Variants in TTC23L observed in about 807,000 individuals in gnomAD.
TTC23L encodes tetratricopeptide repeat protein 23-like.
Under a neutral mutation model 48.1 loss-of-function variants are expected in TTC23L, and 42 were observed. That is an observed-to-expected ratio of 0.87 (90% confidence interval 0.68 to 1.13). The LOEUF (loss-of-function observed/expected upper bound fraction) is 1.13, where lower values mean the gene tolerates loss of function less well. Ranked by LOEUF, TTC23L falls within the 50% of genes most tolerant of loss-of-function variation. The pLI is 0.00. For missense variants in TTC23L, 391 were observed against 421.0 expected, an observed-to-expected ratio of 0.93 and a Z score of 0.62; for synonymous variants, 159 against 157.2, an observed-to-expected ratio of 1.01 and a Z score of -0.09.
At chr5:34,856,713 A>G (rs56015042) in intron 4 of TTC23L, among the ~76,000 whole-genome samples, 52,050 of 152,166 alleles carry the variant, frequency 0.34, 10,341 homozygotes, top group South Asian at 0.45. Context: ...TTAGCAAAGA[A>G]TCAATTACAG....
intron 3 of TTC23L, among the ~76,000 whole-genome samples, chr5:34,846,021 A>G (rs373001813): frequency 1.8e-3 from 278 of 152,168 alleles, no homozygotes; most frequent in African/African-American, 6.6e-3. Context: ...TGTCTCTACA[A>G]AAAAAATTAA....
At chr5:34,911,578 A>C in the TTC23L span, 1 of 1,614,216 alleles carries the variant, frequency 6.2e-7, no homozygotes, top group Admixed American at 1.7e-5. Context: ...GTCAGGAGAC[A>C]TGGTAATTTG....
chr5:34,873,017 C>T (rs997396369), intron 8 of TTC23L, among the ~76,000 whole-genome samples: 1 of 151,382 alleles, frequency 6.6e-6, no homozygotes, highest in East Asian at 1.9e-4. Flanking sequence ...GAGCCGAGAT[C>T]GCGCCATTGC....
intron 3 of TTC23L, among the ~76,000 whole-genome samples, chr5:34,846,740 C>A (rs1190675317): frequency 6.9e-6 from 1 of 145,968 alleles, no homozygotes; most frequent in Non-Finnish European, 1.5e-5. Context: ...GATGCTATCT[C>A]TTAGGTAACA....
At chr5:34,844,500 G>A (rs1309619349) in intron 2 of TTC23L, among the ~76,000 whole-genome samples, 3 of 142,560 alleles carry the variant, frequency 2.1e-5, no homozygotes, top group African/African-American at 7.7e-5. Flanking sequence ...GTGCTTTTCT[G>A]ATTTTTTTTT....
downstream of TTC23L, among the ~76,000 whole-genome samples, chr5:34,902,968 A>C (rs1437021327): frequency 3.3e-5 from 5 of 152,058 alleles, no homozygotes; most frequent in African/African-American, 4.8e-5. Flanking sequence ...TGACATTAAA[A>C]AAAAAAAAAT....
the TTC23L span, chr5:34,918,737 T>C: frequency 3.4e-6 from 1 of 291,844 alleles, no homozygotes; most frequent in African/African-American, 2.2e-5. Context: ...ATGCCTTCAC[T>C]GTAATGCTTC....
rs543247965 is a variant in TTC23L, at chr5:34,852,560, C to T, written c.379+2252C>T. 3.3e-5 allele frequency among the ~76,000 whole-genome samples: 5 copies of T among 152,106 alleles called. No homozygotes were observed. The South Asian group carries it at 6.2e-4, about 19-fold the overall frequency. Reference sequence around the variant, plus strand: ...GCCGTTATCCTGCCCAGATGAGAGTCGATGAGGGCATTGGGTATGGCAGTT... The same window carrying T: ...GCCGTTATCCTGCCCAGATGAGAGTTGATGAGGGCATTGGGTATGGCAGTT... On this transcript the variant is annotated intron_variant, in intron 4 of 10. Transcript: ENST00000505624.
intron 6 of TTC23L, among the ~76,000 whole-genome samples, chr5:34,865,441 G>T (rs1044065412): frequency 6.6e-6 from 1 of 152,172 alleles, no homozygotes; most frequent in Non-Finnish European, 1.5e-5. Context: ...ATAAATTACA[G>T]TCTGGTGAAT....
the TTC23L span, chr5:34,911,523 C>T: frequency 3.1e-6 from 5 of 1,609,596 alleles, no homozygotes; most frequent in Non-Finnish European, 4.2e-6. Context: ...GTACAGACCA[C>T]ATTAACTATA....
chr5:34,842,068 A>C (rs1758728209), intron 2 of TTC23L, among the ~76,000 whole-genome samples: 2 of 152,208 alleles, frequency 1.3e-5, no homozygotes. Flanking sequence ...GCTCTATACC[A>C]GTGTCATCAA....
intron 9 of TTC23L, among the ~76,000 whole-genome samples, chr5:34,895,068 T>G (rs949333182): frequency 6.6e-6 from 1 of 152,248 alleles, no homozygotes. Context: ...AGATTACTGT[T>G]TGTCCAGTAC....
intron 6 of TTC23L, among the ~76,000 whole-genome samples, chr5:34,865,656 A>G (rs1308042946): frequency 2.6e-5 from 4 of 152,360 alleles, no homozygotes; most frequent in South Asian, 2.1e-4. Context: ...AGTGCTTTAC[A>G]TAATTTATTT....
At chr5:34,860,641 A>G (rs1310487786) in intron 4 of TTC23L, 1 of 147,838 alleles carries the variant, frequency 6.8e-6, no homozygotes, top group Non-Finnish European at 1.5e-5. Context: ...CCCTCTCCAG[A>G]GTCCATTTTT....
At chr5:34,920,266 G>T in the TTC23L span, 1 of 153,350 alleles carries the variant, frequency 6.5e-6, no homozygotes, top group Admixed American at 6.5e-5. Flanking sequence ...TGTTTTGCCA[G>T]TATTAAAAGT....
At chr5:34,887,178 T>A (rs933003222) in intron 9 of TTC23L, among the ~76,000 whole-genome samples, 4 of 152,092 alleles carry the variant, frequency 2.6e-5, no homozygotes, top group African/African-American at 9.7e-5. Context: ...CAGAAAATAG[T>A]AAATAACAGA....
the TTC23L span, among the ~76,000 whole-genome samples, chr5:34,919,324 G>A: frequency 2.7e-5 from 4 of 149,206 alleles, no homozygotes; most frequent in African/African-American, 7.4e-5. Context: ...GAGTGGCAGC[G>A]CCATCATATG....
At chr5:34,904,163 C>T (rs2111912686), downstream of TTC23L, among the ~76,000 whole-genome samples, 1 of 151,582 alleles carries the variant, frequency 6.6e-6, no homozygotes, top group South Asian at 2.1e-4. Context: ...GAGATGGAGT[C>T]TTGCTATGTT....
the TTC23L span, chr5:34,919,859 G>A: frequency 8.4e-7 from 1 of 1,186,114 alleles, no homozygotes; most frequent in Non-Finnish European, 1.2e-6. Flanking sequence ...TGGATCGTAA[G>A]GATAAGCTAT....
Sources: gnomAD v4.1 joint callset for allele counts (sites outside exome capture counted in the v4.1 genomes callset) on GRCh38, gnomAD v4.1.1 for gene constraint, MANE v1.5 for transcripts, NCBI Gene and HGNC (gene_info 2026-07-23, HGNC 2026-07-21) for gene names.